SCIN: variants seen among roughly 807,000 people sequenced by gnomAD.
SCIN encodes the protein scinderin.
A neutral mutation model predicts 91.8 loss-of-function variants in SCIN; 91 were observed. The ratio of observed to expected loss-of-function variants is 0.99; its 90% CI spans 0.84 to 1.18. SCIN has a LOEUF of 1.18. Among genes scored for constraint, SCIN ranks in the 50% most tolerant of loss-of-function variants. The pLI is 0.00. For synonymous variants in SCIN, 367 were observed against 312.6 expected, an observed-to-expected ratio of 1.17 and a Z score of -1.84; for missense variants, 1,087 against 863.9, an observed-to-expected ratio of 1.26 and a Z score of -3.24.
rs916058630 is a variant in SCIN, at chr7:12,636,139, G to A, written c.1410+4G>A. 8 of 1,609,032 alleles carry A rather than the reference G, an allele frequency of 5.0e-6. No individual in the cohort carries two copies. The highest frequency in any genetic ancestry group is 6.8e-6 in the Non-Finnish European group (8 of 1,177,174). On this transcript the variant is annotated splice_donor_region_variant and intron_variant, in intron 10 of 15. Coordinates refer to ENST00000297029, the MANE Select transcript of SCIN (RefSeq NM_001112706.3). ...CCTTGGAGGACAGGCTGTGCAGGTTGGGATATTTTTACCCCCAAAACTCAC... is the reference window on the plus strand; with the variant it reads ...CCTTGGAGGACAGGCTGTGCAGGTTAGGATATTTTTACCCCCAAAACTCAC...
intron 3 of SCIN, among the ~76,000 whole-genome samples, chr7:12,600,427 A>G (rs1302812617): frequency 6.6e-6 from 1 of 152,192 alleles, no homozygotes; most frequent in African/African-American, 2.4e-5. Flanking sequence ...GGGAGCACCA[A>G]AATCTCAGAA....
At chr7:12,623,749 T>C (rs1359630082) in intron 5 of SCIN, among the ~76,000 whole-genome samples, 1 of 152,158 alleles carries the variant, frequency 6.6e-6, no homozygotes, top group Non-Finnish European at 1.5e-5. Flanking sequence ...GCTCCGAAAC[T>C]CTGTGATTTT....
At chr7:12,595,395 G>A (rs1289857339) in intron 3 of SCIN, among the ~76,000 whole-genome samples, 1 of 150,946 alleles carries the variant, frequency 6.6e-6, no homozygotes, top group African/African-American at 2.4e-5. Context: ...AGCAAGTCTG[G>A]TGACCTTGCT....
chr7:12,610,416 T>G (rs1237045371), intron 4 of SCIN, among the ~76,000 whole-genome samples: 2 of 152,228 alleles, frequency 1.3e-5, no homozygotes, highest in Non-Finnish European at 2.9e-5. Flanking sequence ...TTCAAAGTAC[T>G]TTGCAAAATA....
At chr7:12,603,465 A>C (rs935534867) in intron 3 of SCIN, among the ~76,000 whole-genome samples, 6 of 152,068 alleles carry the variant, frequency 3.9e-5, no homozygotes, top group African/African-American at 7.3e-5. Context: ...TAATGATGCT[A>C]AACCACCCTT....
intron 3 of SCIN, chr7:12,596,356 A>C (rs1195894295): frequency 2.4e-5 from 11 of 456,210 alleles, no homozygotes; most frequent in Admixed American, 1.9e-4. Context: ...GTCTGCGTTT[A>C]ATTAAGTGCA....
chr7:12,590,509 C>A (rs1431249815), intron 3 of SCIN, among the ~76,000 whole-genome samples: 1 of 151,952 alleles, frequency 6.6e-6, no homozygotes, highest in Non-Finnish European at 1.5e-5. Context: ...GTCAGAATTT[C>A]TTTGGTCTGC....
rs545140530 is a variant in SCIN, at chr7:12,657,511, G to T, written c.*4796G>T. The T allele has an allele frequency of 1.8e-5, 2 of 113,924 alleles. No individual in the cohort carries two copies. The highest frequency in any genetic ancestry group is 3.5e-5 in the Non-Finnish European group (2 of 57,674). The allele number at this position is 113,924 out of a possible 1,614,324, so 7.1% of individuals were successfully genotyped here. A position where few individuals can be genotyped will look rare whatever the true frequency, so the allele number is the denominator to read the frequency against. ...GGCATGAGCCACCGCATCTGGACAC[G>T]AATTTTTAAGTTTTATATATGTGTG... On this transcript the variant is annotated 3_prime_UTR_variant, in exon 16 of 16. Coordinates refer to ENST00000297029, the MANE Select transcript of SCIN (RefSeq NM_001112706.3).
chr7:12,581,856 G>A (rs1216696347), intron 3 of SCIN, among the ~76,000 whole-genome samples: 1 of 152,124 alleles, frequency 6.6e-6, no homozygotes, highest in Non-Finnish European at 1.5e-5. Context: ...CCCTTTGCTA[G>A]ACCCTAGAAG....
intron 4 of SCIN, among the ~76,000 whole-genome samples, chr7:12,611,929 TAAAA>T (rs11287451): frequency 6.9e-6 from 1 of 145,230 alleles, no homozygotes; most frequent in Non-Finnish European, 1.5e-5. Context: ...TCTCTTAAAA[TAAAA>T]AAAAAAAAAG....
chr7:12,638,656 TC>T (rs1339619240), intron 10 of SCIN, among the ~76,000 whole-genome samples: 1 of 152,210 alleles, frequency 6.6e-6, no homozygotes, highest in Non-Finnish European at 1.5e-5. Context: ...GTTAGACACT[TC>T]AGAACATAAA....
At chr7:12,574,833 C>G (rs1417835256) in intron 1 of SCIN, among the ~76,000 whole-genome samples, 1 of 152,088 alleles carries the variant, frequency 6.6e-6, no homozygotes, top group Non-Finnish European at 1.5e-5. Flanking sequence ...GCCTGCGCCT[C>G]ACTATATAAA....
intron 3 of SCIN, among the ~76,000 whole-genome samples, chr7:12,587,528 T>C (rs924433029): frequency 2.6e-5 from 4 of 152,232 alleles, no homozygotes; most frequent in African/African-American, 9.6e-5. Flanking sequence ...TCTGATGTCA[T>C]GGCCACATAT....
intron 3 of SCIN, among the ~76,000 whole-genome samples, chr7:12,597,461 T>A (rs1373442738): frequency 6.6e-6 from 1 of 152,244 alleles, no homozygotes; most frequent in Admixed American, 6.5e-5. Flanking sequence ...TCCTTGCACA[T>A]GTTGAGTCAA....
chr7:12,643,324 G>A (rs1024382262), intron 11 of SCIN, among the ~76,000 whole-genome samples: 2 of 152,116 alleles, frequency 1.3e-5, no homozygotes, highest in Non-Finnish European at 2.9e-5. Context: ...ACCAGTCTGG[G>A]CACAGGTCTC....
intron 4 of SCIN, among the ~76,000 whole-genome samples, chr7:12,609,848 T>C (rs1783155747): frequency 7.0e-6 from 1 of 142,780 alleles, no homozygotes; most frequent in East Asian, 2.1e-4. Flanking sequence ...AAGTCATACA[T>C]GCAATGATTG....
intron 4 of SCIN, chr7:12,610,918 C>T (rs542006351): frequency 6.6e-6 from 1 of 152,202 alleles, no homozygotes. Flanking sequence ...GTATCTAAAA[C>T]TCTTCATCTA....
rs1477412136 is a variant in SCIN, at chr7:12,656,641, A to C, written c.*3926A>C. On this transcript the variant is annotated 3_prime_UTR_variant, in exon 16 of 16. Coordinates refer to ENST00000297029, the MANE Select transcript of SCIN (RefSeq NM_001112706.3). ...AAAAGTAGCCATTAAACCTGTAAAA[A>C]GGCCGGGCGCAGTGGCTGACGCCTG... The C allele has an allele frequency of 3.3e-5, 5 of 152,192 alleles. No individual in the cohort carries two copies. The highest frequency in any genetic ancestry group is 7.3e-5 in the Non-Finnish European group (5 of 68,030). The allele number at this position is 152,192 out of a possible 1,614,324, so 9.4% of individuals were successfully genotyped here.
At chr7:12,603,472 C>T (rs1415621515) in intron 3 of SCIN, among the ~76,000 whole-genome samples, 1 of 151,916 alleles carries the variant, frequency 6.6e-6, no homozygotes, top group Non-Finnish European at 1.5e-5. Flanking sequence ...GCTAAACCAC[C>T]CTTAAAAAAC....
Sources: gnomAD v4.1 joint callset for allele counts (sites outside exome capture counted in the v4.1 genomes callset) on GRCh38, gnomAD v4.1.1 for gene constraint, MANE v1.5 for transcripts, NCBI Gene and HGNC (gene_info 2026-07-23, HGNC 2026-07-21) for gene names.